The following STK24 variants were observed in gnomAD, a reference collection of about 807,000 sequenced individuals.
STK24 encodes the protein serine/threonine-protein kinase 24.
A neutral mutation model predicts 55.6 loss-of-function variants in STK24; 21 were observed. The ratio of observed to expected loss-of-function variants is 0.38; its 90% CI spans 0.27 to 0.54. STK24 has a LOEUF of 0.54. Among genes scored for constraint, STK24 ranks in the 20% least tolerant of loss-of-function variants. The pLI is 0.79. For synonymous variants in STK24, 200 were observed against 215.2 expected (o/e 0.93, Z 0.62); for missense variants, 383 against 538.4 (o/e 0.71, Z 2.86).
chr13:98,518,108 C>G (rs1320049341), intron 2 of STK24, among the ~76,000 whole-genome samples: 1 of 152,230 alleles, frequency 6.6e-6, no homozygotes, highest in African/African-American at 2.4e-5. Flanking sequence ...AAAACTCACT[C>G]TTTCCATTTC....
intron 3 of STK24, among the ~76,000 whole-genome samples, chr13:98,480,061 G>A (rs1894528377): frequency 6.6e-6 from 1 of 152,176 alleles, no homozygotes; most frequent in Admixed American, 6.5e-5. Flanking sequence ...CCAATTAAAT[G>A]AGACGATTAG....
chr13:98,506,387 C>T (rs539924051), intron 2 of STK24, among the ~76,000 whole-genome samples: 2 of 152,328 alleles, frequency 1.3e-5, no homozygotes, highest in East Asian at 1.9e-4. Context: ...ATGGAATCAC[C>T]GCCCAGATTC....
intron 1 of STK24, among the ~76,000 whole-genome samples, chr13:98,563,809 G>T (rs1897494919): frequency 6.6e-6 from 1 of 151,328 alleles, no homozygotes; most frequent in Non-Finnish European, 1.5e-5. Context: ...GTAGTGAGCT[G>T]AGATCGCGCC....
intron 1 of STK24, among the ~76,000 whole-genome samples, chr13:98,546,960 G>A (rs1897044936): frequency 6.6e-6 from 1 of 152,020 alleles, no homozygotes; most frequent in Admixed American, 6.6e-5. Context: ...TGCCCAGGAT[G>A]GAGTGCAATG....
rs1896178573 is a variant in STK24, at chr13:98,519,316, A to G, written c.200T>C (p.Ile67Thr). 6.2e-7 allele frequency: 1 copy of G among 1,614,070 alleles called. No individual in the cohort carries two copies. The highest frequency in any genetic ancestry group is 8.5e-7 in the Non-Finnish European group (1 of 1,180,040). ...ACTCAGCACTGTGATTTCTTGTTGA[A>G]TGTCCTCTATCTCATCTTCAGCTTC... Reference protein sequence around the residue: ...LEEAEDEIEDIQQEITVLSQC... With the variant: ...LEEAEDEIEDTQQEITVLSQC... The change falls in exon 2 of 11, where the codon ATT becomes ACT. Residue 67 changes from isoleucine to threonine, a missense_variant. Coordinates refer to ENST00000539966, the MANE Select transcript of STK24 (RefSeq NM_001032296.4).
At chr13:98,538,677 C>T (rs570344711) in intron 1 of STK24, among the ~76,000 whole-genome samples, 52 of 152,280 alleles carry the variant, frequency 3.4e-4, no homozygotes, top group African/African-American at 1.2e-3. Flanking sequence ...CACACATACA[C>T]ATTCACACAC....
chr13:98,540,680 G>A (rs575778926), intron 1 of STK24, among the ~76,000 whole-genome samples: 1 of 149,354 alleles, frequency 6.7e-6, no homozygotes, highest in East Asian at 2.0e-4. Flanking sequence ...TGTCCATGAA[G>A]CTTGGTGGCA....
intron 7 of STK24, among the ~76,000 whole-genome samples, chr13:98,462,712 T>G (rs990501174): frequency 1.3e-5 from 2 of 152,046 alleles, no homozygotes; most frequent in Non-Finnish European, 2.9e-5. Context: ...TCACCTGAAC[T>G]CCACACCTCG....
chr13:98,521,003 G>C (rs554741069), intron 1 of STK24, among the ~76,000 whole-genome samples: 1 of 152,182 alleles, frequency 6.6e-6, no homozygotes, highest in Non-Finnish European at 1.5e-5. Context: ...TATACCCAAC[G>C]GGAAATGCGT....
chr13:98,519,693 A>G (rs550162198), intron 1 of STK24, among the ~76,000 whole-genome samples: 1 of 152,356 alleles, frequency 6.6e-6, no homozygotes, highest in East Asian at 1.9e-4. Flanking sequence ...GAAAGGCAGC[A>G]AGCGTACAAT....
At chr13:98,507,731 G>A (rs749312006) in intron 2 of STK24, among the ~76,000 whole-genome samples, 11 of 152,282 alleles carry the variant, frequency 7.2e-5, no homozygotes, top group South Asian at 4.1e-4. Context: ...CAGCCAGGAC[G>A]GGATATCCTG....
At chr13:98,547,947 G>A (rs1897067928) in intron 1 of STK24, among the ~76,000 whole-genome samples, 1 of 152,130 alleles carries the variant, frequency 6.6e-6, no homozygotes, top group South Asian at 2.1e-4. Flanking sequence ...GGTAGATGAG[G>A]CTATTTATGC....
At chr13:98,456,289 C>T in intron 10 of STK24, 1 of 354,120 alleles carries the variant, frequency 2.8e-6, no homozygotes, top group South Asian at 2.1e-5. Flanking sequence ...TCTTTATGTA[C>T]TGTCAGGTGG....
At chr13:98,543,787 C>T (rs1896958798) in intron 1 of STK24, among the ~76,000 whole-genome samples, 1 of 152,224 alleles carries the variant, frequency 6.6e-6, no homozygotes, top group Non-Finnish European at 1.5e-5. Context: ...TGCCGGTCAT[C>T]AATGGCTTCT....
intron 2 of STK24, among the ~76,000 whole-genome samples, chr13:98,506,476 G>A (rs1180441424): frequency 1.3e-5 from 2 of 152,308 alleles, no homozygotes; most frequent in East Asian, 1.9e-4. Flanking sequence ...AAACCAAAAC[G>A]AGGCTCCTGG....
rs1566392173 is a variant in STK24 at position 98,535,389 on chromosome 13, ATG to A, written c.43-15918_43-15917del. Among the ~76,000 whole-genome samples, 162 of 124,222 alleles carry A rather than the reference ATG, an allele frequency of 1.3e-3. 2 individuals are homozygous for A. The East Asian group carries it at 0.03, about 23-fold the overall frequency. 81.5% of individuals were successfully genotyped at this position (124,222 alleles called of 152,430 possible). ...AAAAAAAATATATATATATATATATATGTGTGTATACACACACACACACACAC... is the reference window on the plus strand; with the variant it reads ...AAAAAAAATATATATATATATATATATGTGTATACACACACACACACACAC... On this transcript the variant is annotated intron_variant, in intron 1 of 10. Transcript: ENST00000539966.
chr13:98,454,310 C>T (rs1049093426), intron 10 of STK24: 2 of 152,146 alleles, frequency 1.3e-5, no homozygotes, highest in African/African-American at 4.8e-5. Flanking sequence ...AGGGTGAGAA[C>T]GGGGTCCCCT....
chr13:98,453,325 AAGTGG>A, intron 10 of STK24, 116 bp from the exon 11 acceptor site: 1 of 1,032,230 alleles, frequency 9.7e-7, no homozygotes, highest in Non-Finnish European at 1.4e-6. Context: ...ATACAAAAAT[AAGTGG>A]AGCAAATATC....
intron 1 of STK24, among the ~76,000 whole-genome samples, chr13:98,534,146 C>T (rs1896651229): frequency 6.6e-6 from 1 of 152,232 alleles, no homozygotes; most frequent in Admixed American, 6.5e-5. Context: ...TCCAGCACCC[C>T]CGGAGTCCCC....
Sources: gnomAD v4.1 joint callset for allele counts (sites outside exome capture counted in the v4.1 genomes callset) on GRCh38, gnomAD v4.1.1 for gene constraint, MANE v1.5 for transcripts, NCBI Gene and HGNC (gene_info 2026-07-23, HGNC 2026-07-21) for gene names.